TMEM229B: variants seen among roughly 807,000 people sequenced by gnomAD.
The protein encoded by TMEM229B is transmembrane protein 229B, also known as chromosome 14 open reading frame 83.
In TMEM229B, 6 loss-of-function variants were observed where a neutral mutation model predicts 13.7. The observed-to-expected ratio is 0.44, with a 90% CI of 0.24 to 0.86. The LOEUF (loss-of-function observed/expected upper bound fraction) is 0.86. TMEM229B is among the 40% of genes least tolerant of loss of function. The pLI, the probability that TMEM229B is intolerant of heterozygous loss-of-function variation, is 0.23. For missense variants in TMEM229B, 170 were observed against 236.0 expected, an observed-to-expected ratio of 0.72 and a Z score of 1.83; for synonymous variants, 107 against 102.1, an observed-to-expected ratio of 1.05 and a Z score of -0.29.
chr14:67,495,127 T>C (rs1283605417), intron 1 of TMEM229B, among the ~76,000 whole-genome samples: 1 of 151,838 alleles, frequency 6.6e-6, no homozygotes. Context: ...GGACAGGGGG[T>C]GGGGCCCAGG....
At chr14:67,519,737 T>C (rs1044299583), upstream of TMEM229B, among the ~76,000 whole-genome samples, 7 of 152,068 alleles carry the variant, frequency 4.6e-5, no homozygotes, top group African/African-American at 1.7e-4. Context: ...TTTACTTTTT[T>C]TTTGAGACAG....
Position 67,485,212 on chromosome 14 carries a change from G to A in TMEM229B, c.-19+1788C>T, listed in dbSNP as rs140287991. On this transcript the variant is annotated intron_variant, in intron 2 of 2. Transcript: ENST00000554480. ...GGCATAAATTGCTCTGGGGAGATGT[G>A]CCTCCCATCTGAGGAACGACGTTCC... Among the ~76,000 whole-genome samples, 397 of 152,290 alleles carry A rather than the reference G, an allele frequency of 2.6e-3. 2 individuals carry two copies. Among genetic ancestry groups the A allele is most frequent in the African/African-American group, 8.8e-3 (367 of 41,564 alleles).
rs1255060548 is a variant in TMEM229B at position 67,524,195 on chromosome 14, T to C, written c.-192+9441A>G. 4.6e-5 allele frequency among the ~76,000 whole-genome samples: 7 copies of C among 152,294 alleles called. No homozygotes were observed. The East Asian group carries it at 1.4e-3, about 29-fold the overall frequency. On this transcript the variant is annotated intron_variant, in intron 1 of 2. Transcript: ENST00000554278. The stretch of plus-strand genomic sequence containing the variant: ...GTTCCCCAAGTTCCCGGGCTCAATC[T>C]TCCCGCCTCAGCCTAGTGAGTAGCT...
chr14:67,482,624 TG>T lies in TMEM229B; in HGVS notation c.-19+4375del, dbSNP rs771453903. Among the ~76,000 whole-genome samples, 4 of 152,204 alleles carry T rather than the reference TG, an allele frequency of 2.6e-5. No individual in the cohort carries two copies. The East Asian group carries it at 7.7e-4, about 29-fold the overall frequency. ...AGCGGGGGACAGCTTCAGGAGCCCT[TG>T]GGCGGCTCTGTGCTGAAGATAAGTG... On this transcript the variant is annotated intron_variant, in intron 2 of 2. Coordinates refer to ENST00000554480, the MANE Select transcript of TMEM229B (RefSeq NM_001348543.2).
chr14:67,480,860 A>G (rs954812309), intron 2 of TMEM229B, among the ~76,000 whole-genome samples: 3 of 152,292 alleles, frequency 2.0e-5, no homozygotes, highest in African/African-American at 7.2e-5. Flanking sequence ...CCAGCTGGTA[A>G]CAGACGGGAG....
intron 1 of TMEM229B, among the ~76,000 whole-genome samples, chr14:67,530,316 T>C (rs1309912523): frequency 6.6e-6 from 1 of 152,176 alleles, no homozygotes; most frequent in Admixed American, 6.6e-5. Context: ...TGGAATTAAT[T>C]CAGAAACCTT....
chr14:67,483,994 G>A (rs992777767), intron 2 of TMEM229B, among the ~76,000 whole-genome samples: 3 of 152,160 alleles, frequency 2.0e-5, no homozygotes, highest in Non-Finnish European at 4.4e-5. Context: ...TGCCCTGCAC[G>A]GGGGACTGGC....
At position 67,471,827 on chromosome 14, in the gene TMEM229B, T is replaced by G. The variant is rs2030746810; in HGVS notation, c.*1593A>C. 6.6e-6 allele frequency: 1 copy of G among 152,296 alleles called. No homozygotes were observed. Among genetic ancestry groups the G allele is most frequent in the Non-Finnish European group, 1.5e-5 (1 of 68,152 alleles). 9.4% of individuals were successfully genotyped at this position (152,296 alleles called of 1,614,324 possible). ...GGGAAGAGGACATTCTCTCCACAGGTGATACCGTCACTTTGTAATGATCCA... is the reference window on the plus strand; with the variant it reads ...GGGAAGAGGACATTCTCTCCACAGGGGATACCGTCACTTTGTAATGATCCA... On this transcript the variant is annotated 3_prime_UTR_variant, in exon 3 of 3. Coordinates refer to ENST00000554480, the MANE Select transcript of TMEM229B (RefSeq NM_001348543.2).
upstream of TMEM229B, among the ~76,000 whole-genome samples, chr14:67,519,975 G>A (rs1014800569): frequency 6.6e-6 from 1 of 151,580 alleles, no homozygotes; most frequent in Non-Finnish European, 1.5e-5. Flanking sequence ...CTCCCACCTC[G>A]GCCCCCCAAA....
intron 1 of TMEM229B, among the ~76,000 whole-genome samples, chr14:67,494,950 T>G (rs1051799016): frequency 6.6e-6 from 1 of 152,178 alleles, no homozygotes; most frequent in Non-Finnish European, 1.5e-5. Flanking sequence ...TGTCTCTACA[T>G]AAAAATTTAA....
intron 2 of TMEM229B, among the ~76,000 whole-genome samples, chr14:67,482,330 G>A (rs1372535104): frequency 6.6e-6 from 1 of 152,204 alleles, no homozygotes; most frequent in Non-Finnish European, 1.5e-5. Flanking sequence ...AAAACCAGAT[G>A]GAATAACTGC....
intron 2 of TMEM229B, among the ~76,000 whole-genome samples, chr14:67,480,697 G>T (rs2031534119): frequency 6.6e-6 from 1 of 152,168 alleles, no homozygotes; most frequent in African/African-American, 2.4e-5. Context: ...CAGGGCCCGG[G>T]CTGAGGGAAC....
intron 1 of TMEM229B, among the ~76,000 whole-genome samples, chr14:67,520,792 G>A (rs2033280046): frequency 6.6e-6 from 1 of 152,118 alleles, no homozygotes; most frequent in African/African-American, 2.4e-5. Context: ...GCAGGTTTTT[G>A]TGTGGACATA....
At chr14:67,522,740 CT>C (rs2033309642) in intron 1 of TMEM229B, among the ~76,000 whole-genome samples, 1 of 152,182 alleles carries the variant, frequency 6.6e-6, no homozygotes, top group Non-Finnish European at 1.5e-5. Context: ...TAGGAGCCGG[CT>C]GAGAGACAGC....
chr14:67,484,291 T>C (rs571469840), intron 2 of TMEM229B, among the ~76,000 whole-genome samples: 1 of 152,288 alleles, frequency 6.6e-6, no homozygotes, highest in East Asian at 1.9e-4. Flanking sequence ...TAATACCTAG[T>C]AATACTTGTG....
intron 1 of TMEM229B, among the ~76,000 whole-genome samples, chr14:67,532,456 A>G (rs541960216): frequency 9.2e-5 from 14 of 152,104 alleles, no homozygotes; most frequent in African/African-American, 1.4e-4. Flanking sequence ...GAGTTTTCCA[A>G]CCCCTCTGGG....
intron 2 of TMEM229B, among the ~76,000 whole-genome samples, chr14:67,482,928 T>C (rs2031668415): frequency 6.6e-6 from 1 of 152,206 alleles, no homozygotes; most frequent in East Asian, 1.9e-4. Context: ...CTTCTCAGTA[T>C]TTCCATGTAT....
chr14:67,497,082 G>A (rs923565476), intron 1 of TMEM229B, among the ~76,000 whole-genome samples: 1 of 150,666 alleles, frequency 6.6e-6, no homozygotes, highest in Non-Finnish European at 1.5e-5. Flanking sequence ...CTGAGCCACC[G>A]TGCCTTTCTT....
intron 1 of TMEM229B, among the ~76,000 whole-genome samples, chr14:67,508,029 T>A (rs2032890105): frequency 6.6e-6 from 1 of 151,378 alleles, no homozygotes; most frequent in East Asian, 2.0e-4. Flanking sequence ...TCCCAGCTAC[T>A]CGGGAGGCTG....
Sources: allele counts gnomAD v4.1 joint callset (sites outside exome capture counted in the v4.1 genomes callset), GRCh38; gene constraint gnomAD v4.1.1; transcripts MANE v1.5; gene names NCBI Gene and HGNC (gene_info 2026-07-23, HGNC 2026-07-21).